Variants in DPP10 observed in about 807,000 individuals in gnomAD.
DPP10 encodes the protein inactive dipeptidyl peptidase 10.
DPP10 carries 33 observed loss-of-function variants against 120.9 expected under a neutral mutation model. The observed-to-expected ratio is 0.27, with a 90% CI of 0.21 to 0.37. The LOEUF is 0.37. Ranked by LOEUF, DPP10 falls within the 10% of genes least tolerant of loss-of-function variation. The pLI is 1.00. For missense variants in DPP10, 816 were observed against 942.8 expected, an observed-to-expected ratio of 0.87 and a Z score of 1.76; for synonymous variants, 337 against 326.1, an observed-to-expected ratio of 1.03 and a Z score of -0.36.
intron 1 of DPP10, among the ~76,000 whole-genome samples, chr2:114,598,887 C>G (rs1468188271): frequency 2.0e-5 from 3 of 151,762 alleles, no homozygotes; most frequent in African/African-American, 7.3e-5. Flanking sequence ...ACATTCAAAT[C>G]CTGCTTCTCA....
intron 3 of DPP10, among the ~76,000 whole-genome samples, chr2:115,458,524 AAAAG>A (rs1426791248): frequency 6.6e-6 from 1 of 152,092 alleles, no homozygotes; most frequent in Non-Finnish European, 1.5e-5. Flanking sequence ...TTGACTCTCG[AAAAG>A]AAAGAAAATG....
intron 3 of DPP10, among the ~76,000 whole-genome samples, chr2:115,466,458 TATTA>T (rs1017991332): frequency 6.6e-6 from 1 of 152,196 alleles, no homozygotes; most frequent in African/African-American, 2.4e-5. Flanking sequence ...TGATTTGATG[TATTA>T]ATTATAAAGT....
At chr2:115,790,971 C>T in intron 17 of DPP10, 110 bp from the exon 18 acceptor site, 2 of 665,540 alleles carry the variant, frequency 3.0e-6, no homozygotes, top group Non-Finnish European at 5.0e-6. Context: ...ATGAGTTAAT[C>T]AGCACAGTGC....
At chr2:114,756,479 G>A (rs1679761041) in intron 1 of DPP10, among the ~76,000 whole-genome samples, 1 of 152,186 alleles carries the variant, frequency 6.6e-6, no homozygotes, top group Admixed American at 6.5e-5. Context: ...GTCAACTCAA[G>A]TCAGCTTTCC....
intron 1 of DPP10, among the ~76,000 whole-genome samples, chr2:115,286,433 T>A (rs1393573986): frequency 2.8e-5 from 4 of 142,240 alleles, no homozygotes; most frequent in African/African-American, 1.0e-4. Context: ...TGATTTATCT[T>A]CCTTTGTCAG....
chr2:115,029,780 T>A (rs1417527426), intron 1 of DPP10, among the ~76,000 whole-genome samples: 1 of 152,204 alleles, frequency 6.6e-6, no homozygotes, highest in Non-Finnish European at 1.5e-5. Context: ...CAGTTTGATC[T>A]CTTTGCATCT....
At chr2:114,850,263 G>A (rs1227689864) in intron 1 of DPP10, among the ~76,000 whole-genome samples, 2 of 152,034 alleles carry the variant, frequency 1.3e-5, no homozygotes, top group African/African-American at 4.8e-5. Context: ...CTGAGCTCAA[G>A]CTATCCTCCC....
At chr2:114,499,419 T>C (rs1682960800) in intron 1 of DPP10, among the ~76,000 whole-genome samples, 1 of 152,240 alleles carries the variant, frequency 6.6e-6, no homozygotes, top group South Asian at 2.1e-4. Context: ...GAAGATGTCC[T>C]GCAAGGCTAG....
At chr2:115,337,603 T>C (rs1319631210) in intron 2 of DPP10, among the ~76,000 whole-genome samples, 1 of 142,126 alleles carries the variant, frequency 7.0e-6, no homozygotes, top group Admixed American at 7.5e-5. Flanking sequence ...AAAGAGAGGA[T>C]TGGTTGCAAG....
intron 1 of DPP10, among the ~76,000 whole-genome samples, chr2:115,207,446 A>AAAAAG (rs2056220806): frequency 7.2e-6 from 1 of 138,472 alleles, no homozygotes; most frequent in Non-Finnish European, 1.5e-5. Flanking sequence ...AAAAAAAAAA[A>AAAAAG]GCTTTCTCCT....
At chr2:115,400,165 A>G (rs2067964664) in intron 3 of DPP10, among the ~76,000 whole-genome samples, 1 of 152,086 alleles carries the variant, frequency 6.6e-6, no homozygotes, top group African/African-American at 2.4e-5. Flanking sequence ...CCATGATCCA[A>G]TCACTTCCCA....
chr2:114,921,970 C>T (rs187011127), intron 1 of DPP10, among the ~76,000 whole-genome samples: 2 of 152,190 alleles, frequency 1.3e-5, no homozygotes, highest in African/African-American at 4.8e-5. Flanking sequence ...AGGTTTAATG[C>T]CTTTATCATA....
At chr2:114,776,055 G>A (rs1365995504) in intron 1 of DPP10, among the ~76,000 whole-genome samples, 3 of 152,150 alleles carry the variant, frequency 2.0e-5, no homozygotes, top group Non-Finnish European at 2.9e-5. Context: ...TGTCTTCCCA[G>A]AGATGGTGAA....
chr2:115,438,214 A>G (rs1004155137), intron 3 of DPP10, among the ~76,000 whole-genome samples: 4 of 152,184 alleles, frequency 2.6e-5, no homozygotes, highest in Non-Finnish European at 4.4e-5. Context: ...AATGGCTGTC[A>G]TGAAAAAAAT....
chr2:115,388,257 A>G (rs2067089828), intron 3 of DPP10, among the ~76,000 whole-genome samples: 1 of 152,226 alleles, frequency 6.6e-6, no homozygotes. Context: ...GATAAAGTCA[A>G]AGAGGTAGAT....
chr2:115,533,388 A>G (rs1315373668), intron 5 of DPP10, among the ~76,000 whole-genome samples: 2 of 152,072 alleles, frequency 1.3e-5, no homozygotes, highest in Non-Finnish European at 2.9e-5. Flanking sequence ...AAAGATCAGC[A>G]TTGTTATTTT....
intron 10 of DPP10, among the ~76,000 whole-genome samples, chr2:115,751,801 T>C (rs1351137591): frequency 1.0e-5 from 1 of 99,166 alleles, no homozygotes; most frequent in African/African-American, 2.8e-5. Context: ...TTTTTTTTTG[T>C]TGTTTTTTTT....
intron 1 of DPP10, among the ~76,000 whole-genome samples, chr2:114,664,854 A>G (rs775287863): frequency 6.6e-6 from 1 of 150,384 alleles, no homozygotes; most frequent in Non-Finnish European, 1.5e-5. Flanking sequence ...AAAAGATGGG[A>G]TAGAGCATCC....
At chr2:114,662,927 T>G (rs1235072826) in intron 1 of DPP10, among the ~76,000 whole-genome samples, 2 of 152,208 alleles carry the variant, frequency 1.3e-5, no homozygotes, top group African/African-American at 4.8e-5. Flanking sequence ...GCTACTCGCC[T>G]TAAGGCACTT....
Sources: allele counts gnomAD v4.1 joint callset (sites outside exome capture counted in the v4.1 genomes callset), GRCh38; gene constraint gnomAD v4.1.1; transcripts MANE v1.5; gene names NCBI Gene and HGNC (gene_info 2026-07-23, HGNC 2026-07-21).